Variants in PDS5A observed in about 807,000 individuals in gnomAD.
PDS5A encodes sister chromatid cohesion protein PDS5 homolog A.
In PDS5A, 42 loss-of-function variants were observed where a neutral mutation model predicts 167.1. The observed-to-expected ratio is 0.25, with a 90% CI of 0.20 to 0.33. The LOEUF (loss-of-function observed/expected upper bound fraction) is 0.33. Among genes scored for constraint, PDS5A ranks in the 10% least tolerant of loss-of-function variants. The probability of loss-of-function intolerance (pLI) is 1.00; values close to 1 mark genes in which losing one functional copy is unlikely to be tolerated. For synonymous variants in PDS5A, 553 were observed against 554.6 expected, an observed-to-expected ratio of 1.00 and a Z score of 0.04; for missense variants, 1,033 against 1,605.9, an observed-to-expected ratio of 0.64 and a Z score of 6.10.
At chr4:39,927,331 T>G (rs2109734063) in intron 3 of PDS5A, among the ~76,000 whole-genome samples, 1 of 152,362 alleles carries the variant, frequency 6.6e-6, no homozygotes, top group South Asian at 2.1e-4. Flanking sequence ...GTCCAATGGT[T>G]CTATGATTCA....
rs781473031 is a variant in PDS5A, at chr4:39,926,853, A to G, written c.351T>C (p.Phe117=). Reference sequence around the variant, plus strand: ...CTTTTAATTGTCTGGTAATAAACAAAAATATGTCCTGTTAAAAAAAAAAAC... The same window carrying G: ...CTTTTAATTGTCTGGTAATAAACAAGAATATGTCCTGTTAAAAAAAAAAAC... ...YTSHDKLKDI[F]LFITRQLKGL... is the part of the protein sequence containing the mutation. Residue 117 remains phenylalanine (F), a synonymous_variant, in exon 4 of 33, where the codon TTT becomes TTC. Transcript: ENST00000303538. The G allele has an allele frequency of 1.8e-5, 26 of 1,417,800 alleles. No homozygotes were observed. The highest frequency in any genetic ancestry group is 2.3e-5 in the Non-Finnish European group (25 of 1,076,754). 87.8% of individuals were successfully genotyped at this position (1,417,800 alleles called of 1,614,324 possible).
At chr4:39,852,133 G>A (rs778006347) in intron 26 of PDS5A, among the ~76,000 whole-genome samples, 2 of 152,090 alleles carry the variant, frequency 1.3e-5, no homozygotes, top group Admixed American at 6.6e-5. Flanking sequence ...CAGATATGCT[G>A]AGACTAATGT....
chr4:39,905,154 T>G (rs546494897), intron 11 of PDS5A, among the ~76,000 whole-genome samples: 1 of 152,196 alleles, frequency 6.6e-6, no homozygotes, highest in East Asian at 1.9e-4. Context: ...GTAGTGAATC[T>G]AGGAGTTGAG....
intron 17 of PDS5A, among the ~76,000 whole-genome samples, chr4:39,885,298 A>G (rs1014418753): frequency 7.2e-6 from 1 of 138,412 alleles, no homozygotes. Context: ...AGAAAGGAGA[A>G]GAGAAGAGAA....
chr4:39,832,057 G>A (rs1715947222), intron 32 of PDS5A, among the ~76,000 whole-genome samples: 1 of 151,108 alleles, frequency 6.6e-6, no homozygotes, highest in Non-Finnish European at 1.5e-5. Context: ...GGCAGAGGGT[G>A]CAGTGAGCCG....
At chr4:39,853,652 C>A (rs904929074) in intron 26 of PDS5A, among the ~76,000 whole-genome samples, 12 of 152,172 alleles carry the variant, frequency 7.9e-5, no homozygotes, top group Non-Finnish European at 1.8e-4. Flanking sequence ...CCCATAAATT[C>A]TTCTTTTTGA....
At chr4:39,849,717 G>T in intron 26 of PDS5A, 65 bp from the exon 27 acceptor site, 1 of 1,058,520 alleles carries the variant, frequency 9.4e-7, no homozygotes, top group South Asian at 1.6e-5. Context: ...CAATAAATAT[G>T]TTAGCTGGGA....
At chr4:39,972,978 C>T (rs758162810) in intron 2 of PDS5A, 3 of 383,568 alleles carry the variant, frequency 7.8e-6, no homozygotes, top group Non-Finnish European at 1.5e-5. Flanking sequence ...CTAGACCTGG[C>T]ATTTGCTCGG....
rs1560532242 is a variant in PDS5A at position 39,973,846 on chromosome 4, C to G, written c.138+2594G>C. 5.1e-6 allele frequency: 5 copies of G among 977,976 alleles called. No homozygotes were observed. The Middle Eastern group carries it at 6.3e-4, about 124-fold the overall frequency. 60.6% of individuals were successfully genotyped at this position (977,976 alleles called of 1,614,324 possible). ...ACAGACTCAGAACCGTGCTGCAAGA[C>G]CGGGCGCGGTGGCTCACGCCTGTAA... is the stretch of plus-strand genomic sequence containing the variant. On this transcript the variant is annotated intron_variant, in intron 2 of 32. Transcript: ENST00000303538.
chr4:39,928,610 T>C (rs573345587), intron 2 of PDS5A, among the ~76,000 whole-genome samples: 1 of 152,180 alleles, frequency 6.6e-6, no homozygotes, highest in South Asian at 2.1e-4. Flanking sequence ...TTACACTTCA[T>C]AATAAAAAGT....
chr4:39,891,124 C>G (rs1721923907), intron 16 of PDS5A, among the ~76,000 whole-genome samples: 1 of 151,560 alleles, frequency 6.6e-6, no homozygotes. Flanking sequence ...ACCTCCGCTT[C>G]CCAGGTTCAA....
intron 17 of PDS5A, among the ~76,000 whole-genome samples, chr4:39,887,950 A>C (rs555883951): frequency 6.6e-6 from 1 of 152,234 alleles, no homozygotes; most frequent in East Asian, 1.9e-4. Context: ...AAAAAAATCC[A>C]ATTTAAAAGT....
intron 2 of PDS5A, among the ~76,000 whole-genome samples, chr4:39,941,511 T>C (rs773599994): frequency 2.0e-5 from 3 of 152,236 alleles, no homozygotes; most frequent in African/African-American, 4.8e-5. Context: ...TTCGTACTAT[T>C]ATTTGTAACA....
intron 31 of PDS5A, among the ~76,000 whole-genome samples, chr4:39,840,193 G>T (rs993458650): frequency 1.3e-5 from 2 of 152,152 alleles, no homozygotes; most frequent in Admixed American, 6.5e-5. Flanking sequence ...GCCAGTGAGT[G>T]GCAGAGCCAA....
At chr4:39,960,753 G>A (rs1455191260) in intron 2 of PDS5A, among the ~76,000 whole-genome samples, 1 of 151,220 alleles carries the variant, frequency 6.6e-6, no homozygotes, top group African/African-American at 2.4e-5. Flanking sequence ...GCAGTGGTGT[G>A]ATCTCAGCTC....
chr4:39,920,371 G>A lies in PDS5A; in HGVS notation c.683C>T (p.Ala228Val). ...KNLNKQSFDL[A>V]KVLLKRTVQT... ...GACTGTTCTTTTCAATAGCACTTTT[G>A]CAAGGTCAAAGGACTGTTTATTTAA... The change falls in exon 7 of 33, where the codon GCA (alanine) becomes GTA (valine). Residue 228 changes from alanine (A) to valine (V), a missense_variant. Ala to Val is a moderately conservative substitution (Grantham distance 64). Around this residue, in one of 4 missense-constraint regions of PDS5A, gnomAD observed 388 missense variants for 615.1 expected, o/e 0.63. Coordinates refer to ENST00000303538, the MANE Select transcript of PDS5A (RefSeq NM_001100399.2). 1 of 1,550,212 alleles carries A rather than the reference G, an allele frequency of 6.5e-7. No homozygotes were observed. Among genetic ancestry groups the A allele is most frequent in the Non-Finnish European group, 8.9e-7 (1 of 1,126,026 alleles).
chr4:39,971,938 G>A (rs1730587154), intron 2 of PDS5A, among the ~76,000 whole-genome samples: 1 of 152,088 alleles, frequency 6.6e-6, no homozygotes, highest in Non-Finnish European at 1.5e-5. Context: ...CTTTAAAGAA[G>A]GATCCCTAAT....
chr4:39,923,900 GA>G (rs753525396), intron 5 of PDS5A, among the ~76,000 whole-genome samples: 6 of 151,998 alleles, frequency 3.9e-5, no homozygotes, highest in Non-Finnish European at 8.8e-5. Context: ...CTTGCCACTA[GA>G]AGTTTTAACT....
chr4:39,961,219 T>G (rs973381656), intron 2 of PDS5A, among the ~76,000 whole-genome samples: 8 of 152,202 alleles, frequency 5.3e-5, no homozygotes, highest in African/African-American at 1.9e-4. Context: ...TTTCATATAT[T>G]GTAAAAACTC....
Sources: gnomAD v4.1 joint callset for allele counts (sites outside exome capture counted in the v4.1 genomes callset) on GRCh38, gnomAD v4.1.1 for gene constraint, gnomAD v4.1.1 regional missense constraint, MANE v1.5 for transcripts, NCBI Gene and HGNC (gene_info 2026-07-23, HGNC 2026-07-21) for gene names.